The following DCLK2 variants were observed in gnomAD, a reference collection of about 807,000 sequenced individuals.
DCLK2 encodes the protein serine/threonine-protein kinase DCLK2.
In DCLK2, 31 loss-of-function variants were observed where a neutral mutation model predicts 78.4. The observed-to-expected ratio is 0.40, with a 90% CI of 0.30 to 0.53. The LOEUF is 0.53. DCLK2 is among the 20% of genes least tolerant of loss of function. The pLI is 0.61. For missense variants in DCLK2, 872 were observed against 973.7 expected (o/e 0.90, Z 1.39); for synonymous variants, 407 against 374.9 (o/e 1.09, Z -0.99).
intron 2 of DCLK2, among the ~76,000 whole-genome samples, chr4:150,108,937 C>G (rs1396795342): frequency 2.0e-5 from 3 of 152,138 alleles, no homozygotes; most frequent in Non-Finnish European, 1.5e-5. Context: ...CCACTGCCAG[C>G]CTTAGGATGC....
intron 2 of DCLK2, among the ~76,000 whole-genome samples, chr4:150,136,282 G>A (rs1241035440): frequency 6.6e-6 from 1 of 152,220 alleles, no homozygotes; most frequent in Non-Finnish European, 1.5e-5. Flanking sequence ...CCCTCTGAAT[G>A]ATAAAGTCCA....
intron 2 of DCLK2, among the ~76,000 whole-genome samples, chr4:150,166,795 G>C (rs915900823): frequency 6.6e-6 from 1 of 152,142 alleles, no homozygotes; most frequent in Admixed American, 6.5e-5. Flanking sequence ...GGTGCTTGCT[G>C]GGCTGATTGC....
In DCLK2 at chr4:150,079,075, CA is replaced by C; in HGVS notation, c.52del (p.Arg18GlyfsTer87). The stretch of plus-strand genomic sequence containing the variant: ...AGCTGGAGCACTTTGAGGAACGGGA[CA>C]AAAGGCCGCGGCCGGGGTCGCGGAG... Reference protein sequence around the residue: ...IELEHFEERDKRPRPGSRRGA... With the variant: ...IELEHFEERDXRPRPGSRRGA... On this transcript the variant is annotated frameshift_variant, in exon 1 of 16. Coordinates refer to ENST00000296550, the MANE Select transcript of DCLK2 (RefSeq NM_001040260.4). LOFTEE classifies it high-confidence loss of function. The C allele has an allele frequency of 1.9e-6, 3 of 1,564,606 alleles. No homozygotes were observed. Among genetic ancestry groups the C allele is most frequent in the Admixed American group, 3.8e-5 (2 of 52,712 alleles).
At chr4:150,207,263 G>A (rs1166089323) in intron 5 of DCLK2, among the ~76,000 whole-genome samples, 2 of 152,176 alleles carry the variant, frequency 1.3e-5, no homozygotes, top group African/African-American at 4.8e-5. Flanking sequence ...CCAGGACACA[G>A]CTTTTGGCAT....
rs1240698310 is a variant in DCLK2, at chr4:150,079,123, G to C, written c.96G>C (p.Gly32=). ...GSRRGAPSSS[G]GSSSSGPKGN... ...GGAGAGGGGCCCCCAGCTCCTCCGG[G>C]GGCAGCAGCAGCTCGGGCCCCAAGG... Residue 32 remains glycine (G), a synonymous_variant, in exon 1 of 16, where the codon GGG becomes GGC. Coordinates refer to ENST00000296550, the MANE Select transcript of DCLK2 (RefSeq NM_001040260.4). 2 of 1,582,194 alleles carry C rather than the reference G, an allele frequency of 1.3e-6. No homozygotes were observed. Among genetic ancestry groups the C allele is most frequent in the East Asian group, 2.2e-5 (1 of 44,564 alleles).
intron 10 of DCLK2, among the ~76,000 whole-genome samples, chr4:150,235,548 G>A (rs1354502338): frequency 1.3e-5 from 2 of 152,176 alleles, no homozygotes; most frequent in Non-Finnish European, 2.9e-5. Flanking sequence ...GGAGAAGGAA[G>A]AAGAGGATAA....
chr4:150,124,535 C>T (rs1165587308), intron 2 of DCLK2, among the ~76,000 whole-genome samples: 1 of 152,106 alleles, frequency 6.6e-6, no homozygotes, highest in African/African-American at 2.4e-5. Flanking sequence ...TACATGGTTG[C>T]ATTTTTGAAT....
At chr4:150,190,822 T>TA (rs1031720619) in intron 2 of DCLK2, among the ~76,000 whole-genome samples, 7 of 151,984 alleles carry the variant, frequency 4.6e-5, no homozygotes, top group African/African-American at 1.2e-4. Flanking sequence ...TAAACGCTTT[T>TA]AAAAAAACAA....
At chr4:150,187,350 G>A (rs1738032150) in intron 2 of DCLK2, among the ~76,000 whole-genome samples, 1 of 152,112 alleles carries the variant, frequency 6.6e-6, no homozygotes, top group South Asian at 2.1e-4. Context: ...ACTATTCTAG[G>A]GAGCTGCTGG....
At chr4:150,135,291 G>A (rs1733615188) in intron 2 of DCLK2, among the ~76,000 whole-genome samples, 1 of 152,128 alleles carries the variant, frequency 6.6e-6, no homozygotes, top group Non-Finnish European at 1.5e-5. Context: ...GTCCTGAAGT[G>A]AAGAAATCTG....
At chr4:150,136,793 GCA>G (rs1263073316) in intron 2 of DCLK2, among the ~76,000 whole-genome samples, 1 of 152,086 alleles carries the variant, frequency 6.6e-6, no homozygotes, top group Non-Finnish European at 1.5e-5. Flanking sequence ...CTTTACCCTA[GCA>G]GCAGAGTTAC....
At chr4:150,149,377 A>G (rs1409649132) in intron 2 of DCLK2, among the ~76,000 whole-genome samples, 8 of 152,208 alleles carry the variant, frequency 5.3e-5, no homozygotes, top group Non-Finnish European at 1.2e-4. Flanking sequence ...GAGGAAACAG[A>G]ACTGACTCTT....
intron 3 of DCLK2, among the ~76,000 whole-genome samples, chr4:150,197,460 A>ATG (rs1288256374): frequency 2.0e-5 from 3 of 152,160 alleles, no homozygotes; most frequent in Non-Finnish European, 4.4e-5. Flanking sequence ...ATATCCCAAG[A>ATG]TGTGTAGCCT....
intron 2 of DCLK2, among the ~76,000 whole-genome samples, chr4:150,147,551 C>G (rs1734568625): frequency 6.6e-6 from 1 of 152,184 alleles, no homozygotes; most frequent in Non-Finnish European, 1.5e-5. Context: ...TCCCATGTAC[C>G]TGGTGCTTGC....
chr4:150,161,920 G>A (rs1003322460), intron 2 of DCLK2, among the ~76,000 whole-genome samples: 2 of 152,156 alleles, frequency 1.3e-5, no homozygotes, highest in African/African-American at 4.8e-5. Flanking sequence ...ACTGCTAGGG[G>A]CTTATGGCTT....
chr4:150,161,749 G>T (rs918780552), intron 2 of DCLK2, among the ~76,000 whole-genome samples: 1 of 152,210 alleles, frequency 6.6e-6, no homozygotes, highest in Non-Finnish European at 1.5e-5. Flanking sequence ...CTGGGAAAGT[G>T]GGAGATGAGA....
intron 1 of DCLK2, among the ~76,000 whole-genome samples, chr4:150,100,392 A>G (rs1730804898): frequency 6.6e-6 from 1 of 152,234 alleles, no homozygotes; most frequent in Admixed American, 6.5e-5. Context: ...CTCCTTGTGG[A>G]TATGTCAACT....
chr4:150,143,955 A>G (rs1446303634), intron 2 of DCLK2, among the ~76,000 whole-genome samples: 1 of 151,746 alleles, frequency 6.6e-6, no homozygotes, highest in African/African-American at 2.4e-5. Context: ...TTTGCCAGAG[A>G]CATAATTTGC....
At chr4:150,105,742 G>A (rs1308489865) in intron 2 of DCLK2, among the ~76,000 whole-genome samples, 1 of 151,952 alleles carries the variant, frequency 6.6e-6, no homozygotes, top group Non-Finnish European at 1.5e-5. Flanking sequence ...ATATGTACTG[G>A]CCATTGAAAA....
Sources: gnomAD v4.1 joint callset for allele counts (sites outside exome capture counted in the v4.1 genomes callset) on GRCh38, gnomAD v4.1.1 for gene constraint, MANE v1.5 for transcripts, NCBI Gene and HGNC (gene_info 2026-07-23, HGNC 2026-07-21) for gene names.